The following TTC14 variants were observed in gnomAD, a reference collection of about 807,000 sequenced individuals.
TTC14 encodes tetratricopeptide repeat protein 14.
A neutral mutation model predicts 79.9 loss-of-function variants in TTC14; 63 were observed. The observed-to-expected ratio is 0.79, with a 90% CI of 0.64 to 0.97. The LOEUF (loss-of-function observed/expected upper bound fraction) is 0.97. TTC14 is among the 50% of genes least tolerant of loss of function. The probability of loss-of-function intolerance (pLI) is 0.00; values close to 1 mark genes in which losing one functional copy is unlikely to be tolerated. For missense variants in TTC14, 895 were observed against 894.0 expected (o/e 1.00, Z -0.01); for synonymous variants, 335 against 309.6 (o/e 1.08, Z -0.86).
Position 180,602,394 on chromosome 3 carries a change from C to G in TTC14, c.133C>G (p.Pro45Ala). 6.2e-7 allele frequency: 1 copy of G among 1,609,002 alleles called. No homozygotes were observed. Residue 45 changes from proline (P) to alanine (A), a missense_variant, in exon 1 of 12, where the codon CCG becomes GCG. Pro to Ala is a conservative substitution (Grantham distance 27). Coordinates refer to ENST00000296015, the MANE Select transcript of TTC14 (RefSeq NM_133462.4). ...LGSAAEPARGPPPQHPLQGRK... is the reference protein window; with the variant it reads ...LGSAAEPARGAPPQHPLQGRK... ...GTCGGCCGCCGAGCCAGCCCGGGGC[C>G]CGCCGCCCCAGCACCCGTTGCAGGG...
chr3:180,609,151 AT>A, intron 11 of TTC14: 1 of 694,652 alleles, frequency 1.4e-6, no homozygotes, highest in African/African-American at 1.9e-5. Context: ...ATGTGGAGAC[AT>A]TTTTGATTGC....
At chr3:180,602,609 T>C in intron 1 of TTC14, 187 bp downstream of exon 1, 1 of 821,122 alleles carries the variant, frequency 1.2e-6, no homozygotes, top group Middle Eastern at 3.7e-4. Flanking sequence ...GGATGCGGGC[T>C]GAACTTTTTC....
rs200002356 is a variant in TTC14 at position 180,606,437 on chromosome 3, G to A, written c.1050-44G>A. The A allele has an allele frequency of 2.0e-3, 3,232 of 1,612,852 alleles. 24 individuals are homozygous for A. Among genetic ancestry groups the A allele is most frequent in the Middle Eastern group, 2.1e-3 (13 of 6,048 alleles). On this transcript the variant is annotated intron_variant, in intron 8 of 11. Transcript: ENST00000296015. ...GGTAAATGCGAACAAGATTTATGAA[G>A]AGCTTGTGAGATACAGCCCTCTATC...
chr3:180,605,217 G>A (rs780830123), intron 6 of TTC14: 13 of 400,794 alleles, frequency 3.2e-5, no homozygotes, highest in East Asian at 1.5e-4. Context: ...AGAGAAGGAT[G>A]CAGAAACTTT....
At position 180,605,836 on chromosome 3, in the gene TTC14, TG is replaced by T; in HGVS notation, c.929+1del. On this transcript the variant is annotated frameshift_variant and splice_region_variant, in exon 7 of 12. Coordinates refer to ENST00000296015, the MANE Select transcript of TTC14 (RefSeq NM_133462.4). LOFTEE classifies it high-confidence loss of function. ...ACAATCCGCATCTTGGGCTTTAAAA[TG>T]GTATGAAGACTGTCTTTCAACAATT... Reference protein sequence around the residue: ...KKQSASWALKCVKIGVDYFKV... With the variant: ...KKQSASWALKXVKIGVDYFKV... 4 of 1,576,738 alleles carry T rather than the reference TG, an allele frequency of 2.5e-6. No individual in the cohort carries two copies. Among genetic ancestry groups the T allele is most frequent in the Non-Finnish European group, 3.4e-6 (4 of 1,169,974 alleles).
At chr3:180,604,825 C>T (rs1716585534) in intron 5 of TTC14, 27 bp from the exon 6 acceptor site, 1 of 1,576,890 alleles carries the variant, frequency 6.3e-7, no homozygotes, top group Non-Finnish European at 8.6e-7. Flanking sequence ...AGTCATTTTA[C>T]AATTTTTGTG....
intron 2 of TTC14, 40 bp downstream of exon 2, chr3:180,603,055 T>C: frequency 6.2e-7 from 1 of 1,610,924 alleles, no homozygotes; most frequent in South Asian, 1.1e-5. Context: ...GCGGTTCGGT[T>C]TAACAGTACT....
Position 180,610,440 on chromosome 3 carries a change from C to G in TTC14, c.2211C>G (p.His737Gln). 1 of 1,613,196 alleles carries G rather than the reference C, an allele frequency of 6.2e-7. No homozygotes were observed. Among genetic ancestry groups the G allele is most frequent in the South Asian group, 1.1e-5 (1 of 90,794 alleles). The change falls in exon 12 of 12, where the codon CAC becomes CAG. Residue 737 changes from histidine (H) to glutamine (Q), a missense_variant. His to Gln is a conservative substitution (Grantham distance 24). Transcript: ENST00000296015. ...PEEDALSSKE[H>Q]SESSVKKNLP... The stretch of plus-strand genomic sequence containing the variant: ...AAGATGCACTAAGTAGCAAAGAACA[C>G]TCAGAAAGCAGTGTTAAGAAAAATT...
chr3:180,617,451 G>A, exon 13 of TTC14: 1 of 687,056 alleles, frequency 1.5e-6, no homozygotes, highest in Non-Finnish European at 2.7e-6. Flanking sequence ...TATTCCAGAA[G>A]AGGGCATTGT....
intron 10 of TTC14, chr3:180,608,172 G>A: frequency 1.0e-6 from 1 of 1,001,264 alleles, no homozygotes; most frequent in Non-Finnish European, 1.2e-6. Flanking sequence ...CATTGCTGCT[G>A]TGTCTGTGAC....
chr3:180,617,704 C>G (rs1315012598), exon 13 of TTC14: 1 of 389,712 alleles, frequency 2.6e-6, no homozygotes. Flanking sequence ...AGTGCTTAAG[C>G]TAAATGTCAT....
chr3:180,609,263 C>A, intron 11 of TTC14: 4 of 876,370 alleles, frequency 4.6e-6, no homozygotes, highest in Non-Finnish European at 5.5e-6. Flanking sequence ...CCCCCACCCC[C>A]TACCAAGAAT....
chr3:180,608,802 AGAG>A lies in TTC14; in HGVS notation c.1393_1395del (p.Glu465del). 1.3e-6 allele frequency: 2 copies of A among 1,536,702 alleles called. No individual in the cohort carries two copies. The highest frequency in any genetic ancestry group is 1.4e-5 in the African/African-American group (1 of 71,456). ...AAAAGTTGCGTAAGCTCTTAAAAGA[AGAG>A]AAGAGGTAAACTATAATATTCAGTA... On this transcript the variant is annotated inframe_deletion, in exon 11 of 12. Coordinates refer to ENST00000296015, the MANE Select transcript of TTC14 (RefSeq NM_133462.4).
chr3:180,616,491 T>C lies in TTC14; in HGVS notation c.1775-889T>C, dbSNP rs1162535510. 4 of 1,510,402 alleles carry C rather than the reference T, an allele frequency of 2.6e-6. No homozygotes were observed. In the African/African-American group the frequency reaches 5.6e-5, roughly 21 times the overall value. The allele number at this position is 1,510,402 out of a possible 1,614,324, so 93.6% of individuals were successfully genotyped here. ...TTATTTTCATGAAGTTTTTAAGAAA[T>C]ATTTAATAGAAGGTGCTGTATTACC... On this transcript the variant is annotated intron_variant, in intron 12 of 12. Coordinates refer to the TTC14 transcript ENST00000382584.
intron 12 of TTC14, chr3:180,616,212 G>A (rs755795914): frequency 7.5e-7 from 1 of 1,325,252 alleles, no homozygotes; most frequent in Non-Finnish European, 1.1e-6. Flanking sequence ...CGGTGATGTA[G>A]AAGTGGCTGG....
chr3:180,606,244 C>CT lies in TTC14; in HGVS notation c.930-3dup. 2 of 1,613,182 alleles carry CT rather than the reference C, an allele frequency of 1.2e-6. No individual in the cohort carries two copies. Among genetic ancestry groups the CT allele is most frequent in the East Asian group, 2.2e-5 (1 of 44,848 alleles). ...AGTGTTTGTGATGCTTTACAAATGT[C>CT]TTTTTTAGTGTGAAGATCGGAGTTG... On this transcript the variant is annotated splice_polypyrimidine_tract_variant and intron_variant, in intron 7 of 11. Transcript: ENST00000296015.
intron 11 of TTC14, chr3:180,609,135 G>T: frequency 9.4e-6 from 7 of 747,796 alleles, no homozygotes; most frequent in Non-Finnish European, 1.2e-5. Context: ...GGGGACATTT[G>T]ACAAGATGTG....
intron 12 of TTC14, chr3:180,616,774 G>C (rs938954643): frequency 6.3e-7 from 1 of 1,582,774 alleles, no homozygotes; most frequent in African/African-American, 1.4e-5. Flanking sequence ...AGGAGGATTT[G>C]GGACTTCAAA....
intron 9 of TTC14, 35 bp downstream of exon 9, chr3:180,606,638 A>ATTT (rs1716710017): frequency 5.1e-6 from 8 of 1,573,402 alleles, no homozygotes; most frequent in Non-Finnish European, 6.9e-6. Context: ...GTGGAGGTCT[A>ATTT]ATGTTCAACC....
Sources: gnomAD v4.1 joint callset for allele counts on GRCh38, gnomAD v4.1.1 for gene constraint, MANE v1.5 for transcripts, NCBI Gene and HGNC (gene_info 2026-07-23, HGNC 2026-07-21) for gene names.